MALRD1: variants seen among roughly 807,000 people sequenced by gnomAD.
MALRD1 encodes MAM and LDL receptor class A domain containing 1, also known as MAM and LDL-receptor class A domain-containing protein 1.
Under a neutral mutation model 242.1 loss-of-function variants are expected in MALRD1, and 247 were observed. The ratio of observed to expected loss-of-function variants is 1.02; its 90% CI spans 0.92 to 1.13. The LOEUF (loss-of-function observed/expected upper bound fraction) is 1.13, where lower values mean the gene tolerates loss of function less well. Ranked by LOEUF, MALRD1 falls within the 50% of genes most tolerant of loss-of-function variation. The pLI is 0.00. For missense variants in MALRD1, 2,989 were observed against 2,533.1 expected (o/e 1.18, Z -3.86); for synonymous variants, 995 against 866.6 (o/e 1.15, Z -2.60).
At chr10:19,203,222 T>G (rs573972702) in intron 14 of MALRD1, among the ~76,000 whole-genome samples, 1 of 152,316 alleles carries the variant, frequency 6.6e-6, no homozygotes, top group East Asian at 1.9e-4. Context: ...AATTAGGCAA[T>G]GCATATAACA....
Position 19,555,113 on chromosome 10 carries a change from T to A in MALRD1, c.5479-12389T>A, listed in dbSNP as rs566460966. Reference sequence around the variant, plus strand: ...ACTGGCATGAGATGATATCTCATTGTGTTTTTGATTTGAATTTCTTTAATG... The same window carrying A: ...ACTGGCATGAGATGATATCTCATTGAGTTTTTGATTTGAATTTCTTTAATG... On this transcript the variant is annotated intron_variant, in intron 32 of 39. Transcript: ENST00000454679. 2.1e-3 allele frequency among the ~76,000 whole-genome samples: 314 copies of A among 152,264 alleles called. 2 individuals are homozygous for A. The highest frequency in any genetic ancestry group is 6.2e-3 in the African/African-American group (258 of 41,552).
Position 19,117,446 on chromosome 10 carries a change from G to GT in MALRD1, c.695-6035dup, listed in dbSNP as rs57094687. On this transcript the variant is annotated intron_variant, in intron 5 of 39. Transcript: ENST00000454679. ...CTATTTTTGTTTATAGTACTTCTGG[G>GT]TTTTTTTTTTTGTCTTGTGTAAATA... Among the ~76,000 whole-genome samples the GT allele has an allele frequency of 6.6e-3, 950 of 144,118 alleles. 2 individuals carry two copies. Among genetic ancestry groups the GT allele is most frequent in the African/African-American group, 0.02 (778 of 39,582 alleles). The allele number at this position is 144,118 out of a possible 152,430, so 94.5% of individuals were successfully genotyped here.
chr10:19,306,904 A>T (rs1306111335), intron 21 of MALRD1, among the ~76,000 whole-genome samples: 1 of 151,404 alleles, frequency 6.6e-6, no homozygotes, highest in Non-Finnish European at 1.5e-5. Flanking sequence ...AACTGTCCCC[A>T]TGATTCAGTC....
intron 36 of MALRD1, among the ~76,000 whole-genome samples, chr10:19,636,864 A>G (rs1589341148): frequency 6.8e-6 from 1 of 147,560 alleles, no homozygotes; most frequent in Non-Finnish European, 1.5e-5. Flanking sequence ...GTGCCATTGC[A>G]CTCCAGCCTG....
intron 5 of MALRD1, among the ~76,000 whole-genome samples, chr10:19,114,311 G>A (rs1564400480): frequency 6.6e-6 from 1 of 152,138 alleles, no homozygotes; most frequent in Non-Finnish European, 1.5e-5. Context: ...TTAGAAATGA[G>A]TGGACTTAAA....
At chr10:19,149,416 G>A (rs1324948393) in intron 11 of MALRD1, among the ~76,000 whole-genome samples, 5 of 151,790 alleles carry the variant, frequency 3.3e-5, no homozygotes, top group Non-Finnish European at 5.9e-5. Flanking sequence ...TTTTTGCTTC[G>A]TTTCTACCTT....
chr10:19,634,241 A>G (rs1333977621), intron 36 of MALRD1, among the ~76,000 whole-genome samples: 1 of 152,184 alleles, frequency 6.6e-6, no homozygotes, highest in Non-Finnish European at 1.5e-5. Flanking sequence ...CCCAGACTCC[A>G]ATGCCAGATG....
At chr10:19,304,139 C>T (rs180930877) in intron 21 of MALRD1, among the ~76,000 whole-genome samples, 138 of 151,780 alleles carry the variant, frequency 9.1e-4, no homozygotes, top group African/African-American at 3.2e-3. Context: ...CCATTCAATT[C>T]GTTGAGGAAC....
Position 19,243,892 on chromosome 10 carries a change from CAT to C in MALRD1, c.2992-13790_2992-13789del, listed in dbSNP as rs1394962738. On this transcript the variant is annotated intron_variant, in intron 18 of 39. Coordinates refer to ENST00000454679, the MANE Select transcript of MALRD1 (RefSeq NM_001142308.3). The stretch of plus-strand genomic sequence containing the variant: ...GAAGGCTTAATAGAATATGTTGAGA[CAT>C]AGGCCATTAACACAAAAGAGAAAGA... 2.0e-5 allele frequency among the ~76,000 whole-genome samples: 3 copies of C among 151,852 alleles called. No individual in the cohort carries two copies. The East Asian group carries it at 5.8e-4, about 29-fold the overall frequency.
chr10:19,676,025 C>T (rs1417647581), intron 36 of MALRD1, among the ~76,000 whole-genome samples: 1 of 152,136 alleles, frequency 6.6e-6, no homozygotes, highest in Non-Finnish European at 1.5e-5. Context: ...GTGAAGCCAT[C>T]TTCCAGCCAA....
intron 26 of MALRD1, among the ~76,000 whole-genome samples, chr10:19,368,577 T>C (rs1464612126): frequency 1.3e-5 from 2 of 152,046 alleles, no homozygotes; most frequent in South Asian, 2.1e-4. Flanking sequence ...GTTCTTTTGA[T>C]TGAGGATTGC....
intron 17 of MALRD1, among the ~76,000 whole-genome samples, chr10:19,206,268 T>G (rs1836779479): frequency 6.6e-6 from 1 of 152,128 alleles, no homozygotes; most frequent in African/African-American, 2.4e-5. Flanking sequence ...TGTGTAATCT[T>G]TGGTACACAT....
intron 21 of MALRD1, among the ~76,000 whole-genome samples, chr10:19,292,690 A>G (rs1197316036): frequency 1.3e-5 from 2 of 151,790 alleles, no homozygotes; most frequent in Non-Finnish European, 1.5e-5. Context: ...CAGGAGATCG[A>G]GACCACCCTG....
intron 14 of MALRD1, among the ~76,000 whole-genome samples, chr10:19,197,787 G>A (rs940924363): frequency 1.3e-5 from 2 of 151,854 alleles, no homozygotes; most frequent in Non-Finnish European, 2.9e-5. Context: ...TATTTATCTT[G>A]TGTTTTTATT....
intron 2 of MALRD1, among the ~76,000 whole-genome samples, chr10:19,076,777 GT>G (rs1361473240): frequency 1.3e-5 from 2 of 151,790 alleles, no homozygotes; most frequent in African/African-American, 4.8e-5. Flanking sequence ...TCTATTCTGT[GT>G]TTCTTCCATT....
chr10:19,628,255 A>G, intron 36 of MALRD1, among the ~76,000 whole-genome samples: 1 of 152,154 alleles, frequency 6.6e-6, no homozygotes, highest in Non-Finnish European at 1.5e-5. Context: ...AAGTGGCAAT[A>G]TTCATTCAAT....
intron 36 of MALRD1, among the ~76,000 whole-genome samples, chr10:19,676,976 TC>T (rs1225819963): frequency 5.9e-5 from 9 of 152,212 alleles, no homozygotes; most frequent in Admixed American, 5.9e-4. Context: ...TCCATCCATG[TC>T]CCTGCCAAGA....
chr10:19,513,519 C>T (rs1833497377), intron 31 of MALRD1, among the ~76,000 whole-genome samples: 1 of 150,660 alleles, frequency 6.6e-6, no homozygotes, highest in South Asian at 2.1e-4. Context: ...GCGGGCGGAT[C>T]ACGAGGTCAG....
chr10:19,514,178 C>A (rs1456462972), intron 31 of MALRD1, among the ~76,000 whole-genome samples: 1 of 152,030 alleles, frequency 6.6e-6, no homozygotes, highest in Non-Finnish European at 1.5e-5. Context: ...GTGCAACTGG[C>A]AAGAAAATTT....
Sources: allele counts gnomAD v4.1 joint callset (sites outside exome capture counted in the v4.1 genomes callset), GRCh38; gene constraint gnomAD v4.1.1; transcripts MANE v1.5; gene names NCBI Gene and HGNC (gene_info 2026-07-23, HGNC 2026-07-21).